PPP2R5E: variants seen among roughly 807,000 people sequenced by gnomAD.
PPP2R5E encodes serine/threonine-protein phosphatase 2A 56 kDa regulatory subunit epsilon isoform.
PPP2R5E carries 4 observed loss-of-function variants against 65.3 expected under a neutral mutation model. The observed-to-expected ratio is 0.06, with a 90% CI of 0.03 to 0.14. PPP2R5E has a LOEUF of 0.14. Among genes scored for constraint, PPP2R5E ranks in the 10% least tolerant of loss-of-function variants. The pLI is 1.00. For missense variants in PPP2R5E, 274 were observed against 556.1 expected (o/e 0.49, Z 5.10); for synonymous variants, 183 against 187.4 (o/e 0.98, Z 0.19).
intron 2 of PPP2R5E, among the ~76,000 whole-genome samples, chr14:63,502,887 C>A (rs534375811): frequency 6.6e-6 from 1 of 152,044 alleles, no homozygotes. Flanking sequence ...CAGCACTTTG[C>A]GAGGCCAAGG....
chr14:63,508,010 A>C, intron 2 of PPP2R5E: 1 of 327,636 alleles, frequency 3.1e-6, no homozygotes, highest in Non-Finnish European at 4.4e-6. Context: ...TCCCCTTTGT[A>C]GAGATCCAGC....
At chr14:63,390,387 G>T (rs562821931) in intron 10 of PPP2R5E, among the ~76,000 whole-genome samples, 1 of 151,826 alleles carries the variant, frequency 6.6e-6, no homozygotes, top group Non-Finnish European at 1.5e-5. Flanking sequence ...ACCGGGTGCC[G>T]CAAGAAACAG....
chr14:63,539,405 A>G, intron 2 of PPP2R5E, 124 bp downstream of exon 2: 1 of 1,040,836 alleles, frequency 9.6e-7, no homozygotes, highest in Non-Finnish European at 1.4e-6. Flanking sequence ...TAGTAACTTC[A>G]ATGTATGTGA....
intron 2 of PPP2R5E, among the ~76,000 whole-genome samples, chr14:63,501,383 C>T (rs867882637): frequency 7.0e-6 from 1 of 142,360 alleles, no homozygotes; most frequent in Non-Finnish European, 1.5e-5. Flanking sequence ...CCAGCCTGGG[C>T]GACAGAGCAA....
At chr14:63,388,555 G>A (rs1884819766) in intron 11 of PPP2R5E, among the ~76,000 whole-genome samples, 1 of 152,196 alleles carries the variant, frequency 6.6e-6, no homozygotes, top group African/African-American at 2.4e-5. Context: ...TAAAGGCCCT[G>A]AGTGGTATCA....
intron 2 of PPP2R5E, among the ~76,000 whole-genome samples, chr14:63,454,678 G>C (rs1889024065): frequency 1.3e-5 from 2 of 152,192 alleles, no homozygotes; most frequent in African/African-American, 4.8e-5. Flanking sequence ...AAATTCCTCA[G>C]CTAGAAAGGA....
intron 2 of PPP2R5E, chr14:63,508,089 AC>A (rs1892296307): frequency 1.1e-6 from 1 of 926,104 alleles, no homozygotes; most frequent in South Asian, 5.0e-5. Flanking sequence ...CCCTCACTCC[AC>A]CCTCCTTCCC....
intron 3 of PPP2R5E, among the ~76,000 whole-genome samples, chr14:63,440,380 T>C (rs1040147750): frequency 2.7e-5 from 4 of 147,948 alleles, no homozygotes; most frequent in African/African-American, 7.5e-5. Context: ...GCAGAAGTGG[T>C]AGGAGAGAGG....
At chr14:63,401,949 A>C (rs1473477963) in intron 5 of PPP2R5E, among the ~76,000 whole-genome samples, 1 of 152,006 alleles carries the variant, frequency 6.6e-6, no homozygotes, top group Non-Finnish European at 1.5e-5. Flanking sequence ...AGCTAAAAAC[A>C]GGAGGACTGG....
intron 3 of PPP2R5E, among the ~76,000 whole-genome samples, chr14:63,449,745 C>T (rs78818720): frequency 3.6e-4 from 48 of 134,860 alleles, no homozygotes; most frequent in Non-Finnish European, 6.6e-4. Flanking sequence ...CTCTTAGCAC[C>T]ACACAAAAAT....
intron 3 of PPP2R5E, among the ~76,000 whole-genome samples, chr14:63,444,798 C>T (rs899941949): frequency 5.9e-5 from 9 of 152,114 alleles, no homozygotes; most frequent in African/African-American, 2.2e-4. Context: ...GGACAGACAC[C>T]TGACACTTGA....
Position 63,392,037 on chromosome 14 carries a change from A to T in PPP2R5E, c.850-12T>A, listed in dbSNP as rs1163055891. On this transcript the variant is annotated splice_polypyrimidine_tract_variant and intron_variant, in intron 8 of 13. Transcript: ENST00000337537. ...ATACAATATGCCAGCTGAGTAAAAA[A>T]TAAAATAAAAGGCAAAATTTTAAAT... 6.3e-7 allele frequency: 1 copy of T among 1,587,354 alleles called. No homozygotes were observed. The highest frequency in any genetic ancestry group is 1.8e-5 in the Admixed American group (1 of 54,628).
Position 63,393,821 on chromosome 14 carries a change from T to C in PPP2R5E, c.848A>G (p.Gln283Arg). The C allele has an allele frequency of 6.4e-7, 1 of 1,566,440 alleles. No individual in the cohort carries two copies. Among genetic ancestry groups the C allele is most frequent in the Non-Finnish European group, 8.8e-7 (1 of 1,142,532 alleles). The part of the protein sequence containing the change: ...TVRSLSLFHA[Q>R]LAYCIVQFLE... ...AGTAGTTGTACAAAATCCTCCTACC[T>C]GTGCATGGAAGAGTGATAAGCTCCT... is the stretch of plus-strand genomic sequence containing the variant. The change falls in exon 8 of 14, where the codon CAG (glutamine) becomes CGG (arginine). Residue 283 changes from glutamine (Q) to arginine (R), a missense_variant and splice_region_variant. Around this residue, in one of 6 missense-constraint regions of PPP2R5E, gnomAD observed 129 missense variants for 254.9 expected, o/e 0.51. Transcript: ENST00000337537.
chr14:63,409,789 T>C (rs1257443047), intron 5 of PPP2R5E, among the ~76,000 whole-genome samples: 2 of 152,204 alleles, frequency 1.3e-5, no homozygotes, highest in Non-Finnish European at 2.9e-5. Flanking sequence ...GTGTCTCCTG[T>C]TTTACTTAAC....
intron 2 of PPP2R5E, among the ~76,000 whole-genome samples, chr14:63,528,204 C>T (rs1308069765): frequency 6.6e-6 from 1 of 152,118 alleles, no homozygotes; most frequent in African/African-American, 2.4e-5. Context: ...TTTTCAAGCA[C>T]TACAAAATCT....
rs570838343 is a variant in PPP2R5E, at chr14:63,423,440, G to C, written c.355-1346C>G. On this transcript the variant is annotated intron_variant, in intron 3 of 13. Coordinates refer to ENST00000337537, the MANE Select transcript of PPP2R5E (RefSeq NM_006246.5). ...GTAAAATGTTTATGTTTTAAATGTT[G>C]TTGGTACTAGTCTCAGGATTCCTTT... 1.8e-4 allele frequency among the ~76,000 whole-genome samples: 28 copies of C among 152,226 alleles called. No homozygotes were observed. In the South Asian group the frequency reaches 3.9e-3, roughly 21 times the overall value.
At chr14:63,421,962 T>G (rs764535439) in intron 4 of PPP2R5E, 31 bp downstream of exon 4, 1 of 1,535,296 alleles carries the variant, frequency 6.5e-7, no homozygotes, top group Non-Finnish European at 9.0e-7. Flanking sequence ...TAATGGAGTT[T>G]TCTTTTATAA....
intron 2 of PPP2R5E, among the ~76,000 whole-genome samples, chr14:63,485,356 A>T (rs1890931095): frequency 6.6e-6 from 1 of 152,174 alleles, no homozygotes; most frequent in Non-Finnish European, 1.5e-5. Context: ...TTCCTGCCTC[A>T]GCCTCCAGAG....
intron 2 of PPP2R5E, among the ~76,000 whole-genome samples, chr14:63,520,236 C>A (rs1892842047): frequency 6.6e-6 from 1 of 151,744 alleles, no homozygotes; most frequent in Admixed American, 6.6e-5. Flanking sequence ...GGGGTTTCAC[C>A]GTGCTAGCCA....
Sources: gnomAD v4.1 joint callset for allele counts (sites outside exome capture counted in the v4.1 genomes callset) on GRCh38, gnomAD v4.1.1 for gene constraint, gnomAD v4.1.1 regional missense constraint, MANE v1.5 for transcripts, NCBI Gene and HGNC (gene_info 2026-07-23, HGNC 2026-07-21) for gene names.